The following BMPR2 variants were observed in gnomAD, a reference collection of about 807,000 sequenced individuals.
The protein encoded by BMPR2 is bone morphogenetic protein receptor type 2.
Under a neutral mutation model 100.8 loss-of-function variants are expected in BMPR2, and 29 were observed. The ratio of observed to expected loss-of-function variants is 0.29; its 90% confidence interval spans 0.21 to 0.39. The LOEUF (loss-of-function observed/expected upper bound fraction) is 0.39, where lower values mean the gene tolerates loss of function less well. BMPR2 is among the 10% of genes least tolerant of loss of function. BMPR2 has a pLI of 1.00. For synonymous variants in BMPR2, 382 were observed against 442.3 expected (o/e 0.86, Z 1.71); for missense variants, 1,011 against 1,274.5 (o/e 0.79, Z 3.15).
chr2:202,484,169 T>A (rs1692720774), intron 3 of BMPR2, among the ~76,000 whole-genome samples: 1 of 152,204 alleles, frequency 6.6e-6, no homozygotes, highest in Non-Finnish European at 1.5e-5. Context: ...AAATTTTAAG[T>A]CGGGAAGCAT....
At chr2:202,466,714 C>T (rs1324574061) in intron 2 of BMPR2, among the ~76,000 whole-genome samples, 3 of 151,928 alleles carry the variant, frequency 2.0e-5, no homozygotes, top group Non-Finnish European at 4.4e-5. Context: ...TGGGCTCAAG[C>T]AATCCCCCCA....
intron 3 of BMPR2, among the ~76,000 whole-genome samples, chr2:202,507,351 C>A (rs1687539725): frequency 6.6e-6 from 1 of 152,138 alleles, no homozygotes; most frequent in Non-Finnish European, 1.5e-5. Flanking sequence ...GAATAAAATT[C>A]TTTGCATCTT....
chr2:202,473,614 AC>A (rs1692479158), intron 3 of BMPR2, among the ~76,000 whole-genome samples: 1 of 151,130 alleles, frequency 6.6e-6, no homozygotes, highest in Admixed American at 6.6e-5. Flanking sequence ...ACATGGAAAA[AC>A]CCTGTCTCTA....
rs140659948 is a variant in BMPR2, at chr2:202,377,542, C to T, written c.68C>T (p.Thr23Ile). Residue 23 changes from threonine to isoleucine, a missense_variant, in exon 1 of 13, where the codon ACT (threonine) becomes ATT (isoleucine). Around this residue, in one of 6 missense-constraint regions of BMPR2, gnomAD observed 355 missense variants for 455.3 expected, o/e 0.78. Transcript: ENST00000374580. ...CCATGGACCATCCTGCTGGTCAGCA[C>T]TGCGGCTGGTGAGTAGCTCCGGCCG... ...WLPWTILLVS[T>I]AAASQNQERL... The T allele has an allele frequency of 2.9e-5, 47 of 1,614,078 alleles. No individual in the cohort carries two copies. The highest frequency in any genetic ancestry group is 4.0e-5 in the African/African-American group (3 of 74,954).
At chr2:202,551,384 C>T (rs1688475330) in intron 10 of BMPR2, among the ~76,000 whole-genome samples, 1 of 149,734 alleles carries the variant, frequency 6.7e-6, no homozygotes, top group African/African-American at 2.4e-5. Flanking sequence ...AACAGCCGGG[C>T]GTGGTGGCAG....
chr2:202,499,203 A>G (rs546845801), intron 3 of BMPR2, among the ~76,000 whole-genome samples: 3 of 152,304 alleles, frequency 2.0e-5, no homozygotes, highest in African/African-American at 7.2e-5. Context: ...GATGATCCTG[A>G]TAGGTACATA....
intron 1 of BMPR2, among the ~76,000 whole-genome samples, chr2:202,410,769 TG>T (rs1368394248): frequency 6.6e-6 from 1 of 151,998 alleles, no homozygotes; most frequent in African/African-American, 2.4e-5. Context: ...TTAGTAGAGA[TG>T]GGGTTTCACT....
At chr2:202,386,934 C>T (rs925557283) in intron 1 of BMPR2, among the ~76,000 whole-genome samples, 26 of 152,276 alleles carry the variant, frequency 1.7e-4, no homozygotes, top group Admixed American at 9.2e-4. Context: ...CTGCCCACCT[C>T]GGCCTCCCAA....
At chr2:202,453,676 G>C (rs1326105543) in intron 1 of BMPR2, among the ~76,000 whole-genome samples, 1 of 152,100 alleles carries the variant, frequency 6.6e-6, no homozygotes, top group African/African-American at 2.4e-5. Context: ...AGTGGCAGAG[G>C]GGGTAAGGAC....
intron 1 of BMPR2, among the ~76,000 whole-genome samples, chr2:202,394,183 C>G (rs1317215853): frequency 6.6e-6 from 1 of 151,978 alleles, no homozygotes; most frequent in East Asian, 1.9e-4. Flanking sequence ...AACCCTTTCT[C>G]TACTGAAAAT....
intron 1 of BMPR2, among the ~76,000 whole-genome samples, chr2:202,447,869 G>A (rs1691883223): frequency 6.6e-6 from 1 of 150,462 alleles, no homozygotes; most frequent in African/African-American, 2.5e-5. Context: ...AGAAAATTAT[G>A]TAGGTTAAGA....
chr2:202,530,276 T>C (rs1430581210), intron 7 of BMPR2, among the ~76,000 whole-genome samples: 1 of 152,170 alleles, frequency 6.6e-6, no homozygotes, highest in African/African-American at 2.4e-5. Flanking sequence ...GTAAAACTAT[T>C]TGTGGTTAGA....
In BMPR2 at chr2:202,523,525, C is replaced by T. The variant is rs908593236; in HGVS notation, c.967+3324C>T. Among the ~76,000 whole-genome samples the T allele has an allele frequency of 7.2e-5, 11 of 152,228 alleles. No homozygotes were observed. The East Asian group carries it at 7.7e-4, about 11-fold the overall frequency. On this transcript the variant is annotated intron_variant, in intron 7 of 12. Transcript: ENST00000374580. ...GGATATAAAAAATGTGTTAAATGGC[C>T]GGACGTGGTGGATTACGCCTGTAAT...
At chr2:202,556,618 A>T in intron 12 of BMPR2, 87 bp downstream of exon 12, 1 of 1,438,148 alleles carries the variant, frequency 7.0e-7, no homozygotes. Context: ...GATATATTTC[A>T]ACTAGTGATT....
At chr2:202,542,173 G>T in intron 9 of BMPR2, 138 bp from the exon 10 acceptor site, 1 of 951,072 alleles carries the variant, frequency 1.1e-6, no homozygotes, top group Non-Finnish European at 1.6e-6. Context: ...ATTTCCAAAT[G>T]TGCCTGAAGG....
chr2:202,468,000 T>C (rs542365332), intron 3 of BMPR2, among the ~76,000 whole-genome samples: 22 of 151,956 alleles, frequency 1.4e-4, no homozygotes, highest in Non-Finnish European at 2.8e-4. Context: ...TGAGCCAAGA[T>C]TGCACCATTG....
chr2:202,467,388 G>A, intron 2 of BMPR2, 131 bp from the exon 3 acceptor site: 1 of 801,628 alleles, frequency 1.2e-6, no homozygotes, highest in South Asian at 1.6e-5. Context: ...TATGTTTCCT[G>A]TTGATTTGCA....
At chr2:202,551,992 C>T (rs1473180391) in intron 10 of BMPR2, among the ~76,000 whole-genome samples, 1 of 151,672 alleles carries the variant, frequency 6.6e-6, no homozygotes, top group African/African-American at 2.4e-5. Context: ...GTAGCTGGGA[C>T]TACAGGCGCA....
intron 3 of BMPR2, among the ~76,000 whole-genome samples, chr2:202,482,292 A>G (rs186582830): frequency 6.6e-6 from 1 of 152,366 alleles, no homozygotes; most frequent in African/African-American, 2.4e-5. Flanking sequence ...TAGGTATACA[A>G]ATATCTCTTT....
Sources: allele counts gnomAD v4.1 joint callset (sites outside exome capture counted in the v4.1 genomes callset), GRCh38; gene constraint gnomAD v4.1.1; regional missense constraint gnomAD v4.1.1; transcripts MANE v1.5; gene names NCBI Gene and HGNC (gene_info 2026-07-23, HGNC 2026-07-21).